The following DPP6 variants were observed in gnomAD, a reference collection of about 807,000 sequenced individuals.
DPP6 encodes the protein A-type potassium channel modulatory protein DPP6.
A neutral mutation model predicts 122.6 loss-of-function variants in DPP6; 69 were observed. The ratio of observed to expected loss-of-function variants is 0.56; its 90% CI spans 0.46 to 0.69. DPP6 has a LOEUF of 0.69. Among genes scored for constraint, DPP6 ranks in the 30% least tolerant of loss-of-function variants. The probability of loss-of-function intolerance (pLI) is 0.00; values close to 1 mark genes in which losing one functional copy is unlikely to be tolerated. For synonymous variants in DPP6, 418 were observed against 433.1 expected (o/e 0.97, Z 0.43); for missense variants, 928 against 1,116.9 (o/e 0.83, Z 2.41).
At chr7:154,814,290 A>G (rs143780438) in intron 16 of DPP6, among the ~76,000 whole-genome samples, 7 of 152,016 alleles carry the variant, frequency 4.6e-5, no homozygotes, top group African/African-American at 1.4e-4. Flanking sequence ...AATTCCCTAA[A>G]CTCAATATCA....
chr7:153,840,039 G>A, the DPP6 span, among the ~76,000 whole-genome samples: 3 of 152,146 alleles, frequency 2.0e-5, no homozygotes, highest in African/African-American at 4.8e-5. Flanking sequence ...CTGTGTCCTG[G>A]AGTCCTTATG....
chr7:154,042,599 C>A (rs1173313400), intron 1 of DPP6, among the ~76,000 whole-genome samples: 1 of 152,034 alleles, frequency 6.6e-6, no homozygotes. Context: ...TTAGATATGA[C>A]CAATACGATG....
At chr7:154,320,001 AATAT>A (rs71182894) in intron 1 of DPP6, among the ~76,000 whole-genome samples, 1,423 of 139,276 alleles carry the variant, frequency 0.01, 31 homozygotes, top group East Asian at 0.069. Context: ...AAATATTTCA[AATAT>A]ATATATATAT....
intron 5 of DPP6, among the ~76,000 whole-genome samples, chr7:154,613,163 CA>C (rs529855829): frequency 5.9e-5 from 9 of 152,172 alleles, no homozygotes; most frequent in Non-Finnish European, 1.0e-4. Context: ...CCTTATCCAT[CA>C]GGGGGTAAGG....
At chr7:154,026,344 A>T (rs1229410367) in intron 1 of DPP6, 1 of 151,562 alleles carries the variant, frequency 6.6e-6, no homozygotes, top group Admixed American at 6.6e-5. Flanking sequence ...TTGAACTCAT[A>T]TCCTTTTGCT....
intron 5 of DPP6, among the ~76,000 whole-genome samples, chr7:154,619,763 G>A (rs564081113): frequency 3.7e-4 from 56 of 152,288 alleles, no homozygotes; most frequent in African/African-American, 1.2e-3. Flanking sequence ...TTAGAAGTGC[G>A]GGTTGCATAC....
At chr7:154,664,339 A>C (rs1044662851) in intron 6 of DPP6, among the ~76,000 whole-genome samples, 2 of 152,248 alleles carry the variant, frequency 1.3e-5, no homozygotes, top group African/African-American at 4.8e-5. Flanking sequence ...GGGAATTTAC[A>C]TTTGTCGTAT....
chr7:154,534,789 C>T (rs1320130375), intron 3 of DPP6, among the ~76,000 whole-genome samples: 8 of 152,050 alleles, frequency 5.3e-5, no homozygotes, highest in African/African-American at 1.9e-4. Context: ...GGCTGTTCTC[C>T]TTAGATTGAA....
intron 7 of DPP6, among the ~76,000 whole-genome samples, chr7:154,675,294 C>T (rs1038399497): frequency 6.6e-6 from 1 of 151,972 alleles, no homozygotes; most frequent in Non-Finnish European, 1.5e-5. Flanking sequence ...CAACATAGCA[C>T]ATGTATACCT....
rs1801505745 is a variant in DPP6 at position 154,240,311 on chromosome 7, T to C, written c.243+187248T>C. 2.0e-5 allele frequency among the ~76,000 whole-genome samples: 3 copies of C among 152,290 alleles called. No individual in the cohort carries two copies. The South Asian group carries it at 6.2e-4, about 32-fold the overall frequency. On this transcript the variant is annotated intron_variant, in intron 1 of 25. Coordinates refer to ENST00000377770, the MANE Select transcript of DPP6 (RefSeq NM_130797.4). ...ACCACCGGATGCCTCTGGAGAATGC[T>C]GCATGCATCAAAATCAAGCAGTAAG...
intron 1 of DPP6, among the ~76,000 whole-genome samples, chr7:154,263,108 C>G (rs756805948): frequency 4.6e-5 from 7 of 152,164 alleles, no homozygotes; most frequent in Admixed American, 2.6e-4. Flanking sequence ...GGAAAATAAC[C>G]ATGATATAGA....
chr7:154,292,821 T>G (rs2150966988), intron 1 of DPP6, among the ~76,000 whole-genome samples: 1 of 152,320 alleles, frequency 6.6e-6, no homozygotes, highest in South Asian at 2.1e-4. Context: ...AAACAATACC[T>G]TTCTGAGGAG....
chr7:154,563,464 G>A lies in DPP6; in HGVS notation c.553-3378G>A, dbSNP rs373184232. Reference sequence around the variant, plus strand: ...ACATATTTGAGAGATGGCCCTGGCCGCCTGGGAAAGCAGGTAGAAGGCCAC... The same window carrying A: ...ACATATTTGAGAGATGGCCCTGGCCACCTGGGAAAGCAGGTAGAAGGCCAC... On this transcript the variant is annotated intron_variant, in intron 4 of 25. Coordinates refer to ENST00000377770, the MANE Select transcript of DPP6 (RefSeq NM_130797.4). Among the ~76,000 whole-genome samples the A allele has an allele frequency of 7.0e-4, 106 of 152,350 alleles. 2 individuals carry two copies. The highest frequency in any genetic ancestry group is 3.4e-3 in the Middle Eastern group (1 of 294).
chr7:154,819,041 G>C (rs1162152553), intron 16 of DPP6, among the ~76,000 whole-genome samples: 1 of 152,204 alleles, frequency 6.6e-6, no homozygotes, highest in African/African-American at 2.4e-5. Context: ...GGCAGTGGCA[G>C]GTATGCTGAA....
At chr7:154,383,890 CAAAAA>C (rs375015144) in intron 1 of DPP6, among the ~76,000 whole-genome samples, 1 of 106,566 alleles carries the variant, frequency 9.4e-6, no homozygotes, top group South Asian at 3.4e-4. Context: ...ACTCTGTCTC[CAAAAA>C]AAAAAAAAAA....
At chr7:154,675,584 C>T (rs1377841904) in intron 7 of DPP6, among the ~76,000 whole-genome samples, 2 of 152,196 alleles carry the variant, frequency 1.3e-5, no homozygotes, top group Non-Finnish European at 2.9e-5. Context: ...TTCTCTTATG[C>T]ACTCGTTTGT....
At chr7:154,677,887 A>G (rs1461990938) in intron 7 of DPP6, among the ~76,000 whole-genome samples, 1 of 152,160 alleles carries the variant, frequency 6.6e-6, no homozygotes, top group African/African-American at 2.4e-5. Context: ...TAAGAGGTGA[A>G]GCCGGCTGGG....
At chr7:153,903,158 A>G (rs1799709916) in intron 1 of DPP6, among the ~76,000 whole-genome samples, 1 of 152,162 alleles carries the variant, frequency 6.6e-6, no homozygotes, top group Non-Finnish European at 1.5e-5. Context: ...TCTTCCAAGA[A>G]TTTAAGAGCA....
At chr7:154,747,128 C>G (rs1207112305) in intron 8 of DPP6, among the ~76,000 whole-genome samples, 4 of 152,212 alleles carry the variant, frequency 2.6e-5, no homozygotes, top group Admixed American at 2.6e-4. Context: ...AATCACCCTT[C>G]AGCAGTAGCA....
Sources: gnomAD v4.1 joint callset for allele counts (sites outside exome capture counted in the v4.1 genomes callset) on GRCh38, gnomAD v4.1.1 for gene constraint, MANE v1.5 for transcripts, NCBI Gene and HGNC (gene_info 2026-07-23, HGNC 2026-07-21) for gene names.